The following CHD1L variants were observed in gnomAD, a reference collection of about 807,000 sequenced individuals.
The protein encoded by CHD1L is chromodomain helicase DNA binding protein 1 like.
In CHD1L, 118 loss-of-function variants were observed where a neutral mutation model predicts 115.9. The ratio of observed to expected loss-of-function variants is 1.02; its 90% CI spans 0.88 to 1.19. The LOEUF (loss-of-function observed/expected upper bound fraction) is 1.19, where lower values mean the gene tolerates loss of function less well. CHD1L is among the 50% of genes most tolerant of loss of function. The pLI is 0.00. For missense variants in CHD1L, 1,179 were observed against 1,065.3 expected (o/e 1.11, Z -1.49); for synonymous variants, 411 against 387.1 (o/e 1.06, Z -0.72).
At chr1:147,201,171 C>A in the CHD1L span, 1 of 1,612,802 alleles carries the variant, frequency 6.2e-7, no homozygotes, top group Non-Finnish European at 8.5e-7. Context: ...CCTGAGTGGC[C>A]CAGCGTCCTT....
In CHD1L at chr1:147,272,260, T is replaced by G. The variant is rs1553953954; in HGVS notation, c.1249T>G (p.Phe417Val). ...CTTTGGACAGCAGCCCATTTTCGTT[T>G]TTCTCCTGAGTACTAGGGCAGGTAG... ...KNFGQQPIFV[F>V]LLSTRAGGVG... Residue 417 changes from phenylalanine to valine, a missense_variant, in exon 12 of 23, where the codon TTT (phenylalanine) becomes GTT (valine). Physicochemically the swap from Phe to Val is conservative, Grantham distance 50. Transcript: ENST00000369258. The G allele has an allele frequency of 6.2e-7, 1 of 1,613,986 alleles. No individual in the cohort carries two copies. The highest frequency in any genetic ancestry group is 1.7e-5 in the Admixed American group (1 of 60,022).
At chr1:147,293,189 T>A (rs1686231939) in intron 20 of CHD1L, among the ~76,000 whole-genome samples, 1 of 152,102 alleles carries the variant, frequency 6.6e-6, no homozygotes, top group South Asian at 2.1e-4. Context: ...TCATGGGAAT[T>A]GTTCGAACAG....
intron 3 of CHD1L, among the ~76,000 whole-genome samples, 192 bp from the exon 4 acceptor site, chr1:147,255,621 C>T (rs186604350): frequency 1.3e-5 from 2 of 152,284 alleles, no homozygotes; most frequent in Admixed American, 1.3e-4. Context: ...ATCCCTCTAC[C>T]TGTTCACATA....
the CHD1L span, among the ~76,000 whole-genome samples, chr1:147,234,212 C>T: frequency 6.6e-6 from 1 of 152,206 alleles, no homozygotes; most frequent in South Asian, 2.1e-4. Context: ...GCGTGGGCTC[C>T]CAGAGCTCGG....
chr1:147,204,125 T>G, the CHD1L span: 1 of 1,050,164 alleles, frequency 9.5e-7, no homozygotes, highest in Non-Finnish European at 1.5e-6. Context: ...TTCTTCTCCC[T>G]TACTTAAATT....
At chr1:147,236,813 G>A in the CHD1L span, among the ~76,000 whole-genome samples, 1 of 152,170 alleles carries the variant, frequency 6.6e-6, no homozygotes, top group Admixed American at 6.5e-5. Context: ...TCAGAGGAGA[G>A]GAAGTGTGCG....
the CHD1L span, among the ~76,000 whole-genome samples, chr1:147,235,943 C>T: frequency 2.0e-5 from 3 of 152,174 alleles, no homozygotes; most frequent in African/African-American, 7.2e-5. Flanking sequence ...TTGGTCCATT[C>T]AGCCTGGCAG....
chr1:147,284,737 C>T (rs112167213), intron 16 of CHD1L, among the ~76,000 whole-genome samples: 2 of 152,124 alleles, frequency 1.3e-5, no homozygotes, highest in African/African-American at 4.8e-5. Flanking sequence ...TGAAAGCAGC[C>T]TTGTCCATCC....
At chr1:147,220,918 A>G in the CHD1L span, among the ~76,000 whole-genome samples, 14 of 147,454 alleles carry the variant, frequency 9.5e-5, no homozygotes, top group African/African-American at 3.3e-4. Context: ...CTTACTTATA[A>G]TAACATAAAA....
At chr1:147,224,524 C>T in the CHD1L span, among the ~76,000 whole-genome samples, 7 of 151,612 alleles carry the variant, frequency 4.6e-5, no homozygotes, top group Admixed American at 4.6e-4. Flanking sequence ...TAATTTTTTT[C>T]CTTGAGACGG....
At chr1:147,204,239 G>A in the CHD1L span, 410 of 1,259,302 alleles carry the variant, frequency 3.3e-4, no homozygotes, top group Middle Eastern at 6.8e-3. Flanking sequence ...TTTGACAGAT[G>A]TACATCACCT....
chr1:147,271,219 C>A, intron 11 of CHD1L: 1 of 426,688 alleles, frequency 2.3e-6, no homozygotes, highest in Non-Finnish European at 4.2e-6. Context: ...AATAAACACC[C>A]ACGTTCCCAT....
Position 147,276,268 on chromosome 1 carries a change from A to G in CHD1L, c.1539+11A>G. 1 of 1,613,948 alleles carries G rather than the reference A, an allele frequency of 6.2e-7. No individual in the cohort carries two copies. Among genetic ancestry groups the G allele is most frequent in the Non-Finnish European group, 8.5e-7 (1 of 1,179,908 alleles). On this transcript the variant is annotated intron_variant, in intron 14 of 22. Transcript: ENST00000369258. ...GATGCTGACCTCCAGGTATGATATG[A>G]TATACTGTTCTTCACTTTGGAATAT...
At chr1:147,287,486 A>T (rs1030948138) in intron 18 of CHD1L, 149 bp from the exon 19 acceptor site, 11 of 558,214 alleles carry the variant, frequency 2.0e-5, no homozygotes, top group Non-Finnish European at 3.1e-5. Flanking sequence ...GGGAAGTCCA[A>T]CCTGTGATAT....
chr1:147,272,258 T>C lies in CHD1L; in HGVS notation c.1247T>C (p.Val416Ala), dbSNP rs781937231. 6.2e-7 allele frequency: 1 copy of C among 1,613,974 alleles called. No individual in the cohort carries two copies. The change falls in exon 12 of 23, where the codon GTT (valine) becomes GCT (alanine). Residue 416 changes from valine to alanine, a missense_variant. By Grantham distance (64) the Val-to-Ala change is moderately conservative. Coordinates refer to ENST00000369258, the MANE Select transcript of CHD1L (RefSeq NM_004284.6). ...AACTTTGGACAGCAGCCCATTTTCG[T>C]TTTTCTCCTGAGTACTAGGGCAGGT... ...IKNFGQQPIF[V>A]FLLSTRAGGV...
intron 10 of CHD1L, 33 bp from the exon 11 acceptor site, chr1:147,270,899 C>T (rs1244784503): frequency 6.3e-7 from 1 of 1,594,218 alleles, no homozygotes; most frequent in African/African-American, 1.3e-5. Context: ...TACCACTAGA[C>T]TTGGCAGTGT....
chr1:147,204,647 C>T, the CHD1L span: 2 of 1,585,604 alleles, frequency 1.3e-6, no homozygotes, highest in South Asian at 2.2e-5. Context: ...TCTCCAACTT[C>T]TTGCTCTTGC....
the CHD1L span, chr1:147,178,204 A>C: frequency 6.2e-7 from 1 of 1,613,056 alleles, no homozygotes; most frequent in Non-Finnish European, 8.5e-7. Context: ...GCTAGGACTC[A>C]GGGACGACAA....
intron 10 of CHD1L, 139 bp from the exon 11 acceptor site, chr1:147,270,793 G>T: frequency 3.0e-6 from 2 of 673,370 alleles, no homozygotes; most frequent in East Asian, 5.7e-5. Context: ...TTCTGAGGCA[G>T]TCTATAAATC....
Sources: allele counts gnomAD v4.1 joint callset (sites outside exome capture counted in the v4.1 genomes callset), GRCh38; gene constraint gnomAD v4.1.1; transcripts MANE v1.5; gene names NCBI Gene and HGNC (gene_info 2026-07-23, HGNC 2026-07-21).